Variants in ABCB1 observed in about 807,000 individuals in gnomAD.
ABCB1 encodes ATP-dependent translocase ABCB1.
ABCB1 carries 69 observed loss-of-function variants against 142.0 expected under a neutral mutation model. That is an observed-to-expected ratio of 0.49 (90% CI 0.40 to 0.59). The LOEUF (loss-of-function observed/expected upper bound fraction) is 0.59. ABCB1 is among the 20% of genes least tolerant of loss of function. The pLI is 0.00. For missense variants in ABCB1, 1,326 were observed against 1,554.7 expected, an observed-to-expected ratio of 0.85 and a Z score of 2.47; for synonymous variants, 532 against 539.2, an observed-to-expected ratio of 0.99 and a Z score of 0.18.
intron 1 of ABCB1, chr7:87,628,497 T>G (rs1820827344): frequency 4.5e-6 from 1 of 220,574 alleles, no homozygotes; most frequent in Non-Finnish European, 8.9e-6. Flanking sequence ...CTGAGGTCCC[T>G]CGGGAAGGAG....
chr7:87,539,193 C>A (rs1221906381), intron 19 of ABCB1, 75 bp downstream of exon 19: 4 of 1,458,894 alleles, frequency 2.7e-6, no homozygotes, highest in Non-Finnish European at 3.8e-6. Context: ...CATGACAGAG[C>A]TCCCACTGTC....
chr7:87,606,020 T>C (rs1486762678), intron 1 of ABCB1, among the ~76,000 whole-genome samples: 1 of 151,942 alleles, frequency 6.6e-6, no homozygotes, highest in Admixed American at 6.6e-5. Flanking sequence ...ATGAAGAAAA[T>C]TGAATAAATT....
intron 1 of ABCB1, among the ~76,000 whole-genome samples, chr7:87,624,195 A>G (rs567454974): frequency 1.3e-5 from 2 of 152,336 alleles, no homozygotes; most frequent in African/African-American, 4.8e-5. Context: ...TTGAGCTTTC[A>G]CACACATGTG....
rs766581770 is a variant in ABCB1, at chr7:87,610,396, C to CT, written c.-330-9319dup. Among the ~76,000 whole-genome samples the CT allele has an allele frequency of 4.9e-3, 358 of 73,766 alleles. 59 individuals are homozygous for CT. Among genetic ancestry groups the CT allele is most frequent in the African/African-American group, 9.7e-3 (125 of 12,838 alleles). 48.4% of individuals were successfully genotyped at this position (73,766 alleles called of 152,430 possible). A position where few individuals can be genotyped will look rare whatever the true frequency, so the allele number is the denominator to read the frequency against. On this transcript the variant is annotated intron_variant, in intron 1 of 28. Transcript: ENST00000265724. ...GGGACTACATACTACCACACCTGGCCTTTTTTTTTTTTTTTTTTTTTTTTT... is the reference window on the plus strand; with the variant it reads ...GGGACTACATACTACCACACCTGGCCTTTTTTTTTTTTTTTTTTTTTTTTTT...
chr7:87,615,760 T>A (rs1820014538), intron 1 of ABCB1, among the ~76,000 whole-genome samples: 1 of 152,146 alleles, frequency 6.6e-6, no homozygotes, highest in African/African-American at 2.4e-5. Flanking sequence ...TAAGAAGTGA[T>A]CAAAGGAGAA....
At chr7:87,588,278 C>A (rs958135143) in intron 3 of ABCB1, among the ~76,000 whole-genome samples, 1 of 151,840 alleles carries the variant, frequency 6.6e-6, no homozygotes. Flanking sequence ...ATTTCATCAC[C>A]CAGCTATTAA....
intron 1 of ABCB1, among the ~76,000 whole-genome samples, chr7:87,679,908 GA>G (rs1053395057): frequency 6.6e-6 from 1 of 150,522 alleles, no homozygotes; most frequent in Non-Finnish European, 1.5e-5. Context: ...CCAAATGTTT[GA>G]AAATGTAAAA....
chr7:87,593,604 T>A (rs1228220024), intron 3 of ABCB1, among the ~76,000 whole-genome samples: 1 of 152,238 alleles, frequency 6.6e-6, no homozygotes, highest in Non-Finnish European at 1.5e-5. Context: ...CCAAACTATC[T>A]GTACAAACAA....
intron 1 of ABCB1, among the ~76,000 whole-genome samples, chr7:87,607,490 CAAAT>C (rs1325471973): frequency 2.0e-5 from 3 of 152,096 alleles, no homozygotes; most frequent in East Asian, 3.8e-4. Context: ...CTTATCCAAA[CAAAT>C]AAAGATGGAC....
intron 1 of ABCB1, among the ~76,000 whole-genome samples, chr7:87,648,424 C>T (rs1823244540): frequency 6.6e-6 from 1 of 151,402 alleles, no homozygotes; most frequent in African/African-American, 2.4e-5. Flanking sequence ...GTGACACTGA[C>T]AGAACACTTC....
chr7:87,550,860 C>T, intron 9 of ABCB1, 22 bp from the exon 10 acceptor site: 2 of 1,475,262 alleles, frequency 1.4e-6, no homozygotes, highest in Non-Finnish European at 1.9e-6. Context: ...GAAGAAAAAC[C>T]ATCAGGCTAC....
rs766011257 is a variant in ABCB1 at position 87,700,500 on chromosome 7, G to A, written c.-331+12661C>T. On this transcript the variant is annotated intron_variant, in intron 1 of 28. Transcript: ENST00000265724. Reference sequence around the variant, plus strand: ...GAGTGGCTTGCCGGAAAGTTTCACAGAATTGTATCTGCAGCATTGAAAATA... The same window carrying A: ...GAGTGGCTTGCCGGAAAGTTTCACAAAATTGTATCTGCAGCATTGAAAATA... 4 of 1,613,494 alleles carry A rather than the reference G, an allele frequency of 2.5e-6. No individual in the cohort carries two copies. In the East Asian group the frequency reaches 6.7e-5, roughly 27 times the overall value.
intron 1 of ABCB1, among the ~76,000 whole-genome samples, chr7:87,694,530 A>G (rs1425786626): frequency 6.6e-6 from 1 of 152,232 alleles, no homozygotes; most frequent in Non-Finnish European, 1.5e-5. Flanking sequence ...GAGAAAAAGT[A>G]AAAAACAAAT....
intron 4 of ABCB1, among the ~76,000 whole-genome samples, chr7:87,576,977 C>T (rs1818296865): frequency 6.6e-6 from 1 of 151,734 alleles, no homozygotes; most frequent in African/African-American, 2.4e-5. Flanking sequence ...CTGTAGTCAC[C>T]CTGTTGTGTG....
intron 1 of ABCB1, among the ~76,000 whole-genome samples, chr7:87,662,103 GT>G (rs2130456584): frequency 6.6e-6 from 1 of 151,924 alleles, no homozygotes; most frequent in Non-Finnish European, 1.5e-5. Context: ...TTAATTATTA[GT>G]TTTTTCCTGT....
intron 3 of ABCB1, among the ~76,000 whole-genome samples, chr7:87,591,708 G>A (rs1172632501): frequency 2.0e-5 from 3 of 152,150 alleles, no homozygotes; most frequent in African/African-American, 7.2e-5. Context: ...AGGAATGGGG[G>A]TGGGGGTATA....
At chr7:87,610,826 C>G (rs1221742438) in intron 1 of ABCB1, among the ~76,000 whole-genome samples, 1 of 152,208 alleles carries the variant, frequency 6.6e-6, no homozygotes, top group African/African-American at 2.4e-5. Context: ...GCTTCTCATT[C>G]AGCATGCATA....
At chr7:87,532,762 A>G (rs551134710) in intron 20 of ABCB1, among the ~76,000 whole-genome samples, 21 of 152,234 alleles carry the variant, frequency 1.4e-4, no homozygotes, top group Admixed American at 3.3e-4. Flanking sequence ...TAATTTTTTC[A>G]CTTTCTTAAT....
Position 87,503,261 on chromosome 7 carries a change from G to A in ABCB1, c.*982C>T, listed in dbSNP as rs1814568473. Among the ~76,000 whole-genome samples, 1 of 151,434 alleles carries A rather than the reference G, an allele frequency of 6.6e-6. No individual in the cohort carries two copies. Among genetic ancestry groups the A allele is most frequent in the African/African-American group, 2.4e-5 (1 of 41,232 alleles). On this transcript the variant is annotated 3_prime_UTR_variant, in exon 28 of 28. Transcript: ENST00000622132. ...GTTTATAGTAAATATAGTTTATAAT[G>A]TTAATAATGCTTTTTGGCTAATTTA... is the stretch of plus-strand genomic sequence containing the variant.
Sources: allele counts gnomAD v4.1 joint callset (sites outside exome capture counted in the v4.1 genomes callset), GRCh38; gene constraint gnomAD v4.1.1; transcripts MANE v1.5; gene names NCBI Gene and HGNC (gene_info 2026-07-23, HGNC 2026-07-21).